Variants in MCU observed in about 807,000 individuals in gnomAD.
The protein encoded by MCU is calcium uniporter protein, mitochondrial.
In MCU, 12 loss-of-function variants were observed where a neutral mutation model predicts 45.2. The ratio of observed to expected loss-of-function variants is 0.27; its 90% CI spans 0.17 to 0.43. The LOEUF is 0.43. Ranked by LOEUF, MCU falls within the 20% of genes least tolerant of loss-of-function variation. MCU has a pLI of 1.00. For missense variants in MCU, 324 were observed against 436.7 expected (o/e 0.74, Z 2.30); for synonymous variants, 160 against 165.1 (o/e 0.97, Z 0.24).
intron 1 of MCU, among the ~76,000 whole-genome samples, chr10:72,816,859 G>A (rs2132810360): frequency 6.6e-6 from 1 of 152,326 alleles, no homozygotes; most frequent in African/African-American, 2.4e-5. Flanking sequence ...GTTCATATAA[G>A]TGTGATGAGG....
At chr10:72,804,071 T>TAC (rs1844389925) in intron 1 of MCU, among the ~76,000 whole-genome samples, 1 of 59,408 alleles carries the variant, frequency 1.7e-5, no homozygotes, top group African/African-American at 8.1e-5. Context: ...TATATATATA[T>TAC]ATAAAATAAG....
At chr10:72,819,104 A>G (rs1844670750) in intron 1 of MCU, among the ~76,000 whole-genome samples, 1 of 152,220 alleles carries the variant, frequency 6.6e-6, no homozygotes, top group Non-Finnish European at 1.5e-5. Context: ...GGAGAAGTCC[A>G]TGAAGAATGG....
intron 1 of MCU, among the ~76,000 whole-genome samples, chr10:72,724,085 A>G (rs992952635): frequency 6.6e-6 from 1 of 152,248 alleles, no homozygotes; most frequent in Admixed American, 6.5e-5. Flanking sequence ...TAGATATACT[A>G]TATTTTTAAA....
chr10:72,799,300 C>G (rs1844301319), intron 1 of MCU, among the ~76,000 whole-genome samples: 1 of 152,118 alleles, frequency 6.6e-6, no homozygotes, highest in African/African-American at 2.4e-5. Flanking sequence ...CAAATATTCA[C>G]TATAATTAAT....
chr10:72,768,518 C>T, intron 1 of MCU, among the ~76,000 whole-genome samples: 1 of 152,226 alleles, frequency 6.6e-6, no homozygotes, highest in South Asian at 2.1e-4. Context: ...TGTATCTATA[C>T]AGTGGTTGCA....
At chr10:72,780,903 T>A (rs1843982946) in intron 1 of MCU, among the ~76,000 whole-genome samples, 1 of 152,224 alleles carries the variant, frequency 6.6e-6, no homozygotes, top group South Asian at 2.1e-4. Context: ...AACACAAATA[T>A]AATGAAACAC....
intron 6 of MCU, among the ~76,000 whole-genome samples, chr10:72,874,369 AC>A: frequency 1.3e-5 from 2 of 152,134 alleles, no homozygotes; most frequent in East Asian, 3.9e-4. Context: ...CCAACCTAGC[AC>A]TCCCTTTAAT....
intron 6 of MCU, among the ~76,000 whole-genome samples, chr10:72,882,567 C>T (rs1007253749): frequency 7.2e-5 from 11 of 152,160 alleles, no homozygotes; most frequent in African/African-American, 1.9e-4. Context: ...TCCCATAGCG[C>T]TCCCAGGCTT....
chr10:72,744,342 T>G (rs1843380180), intron 1 of MCU, among the ~76,000 whole-genome samples: 1 of 152,116 alleles, frequency 6.6e-6, no homozygotes, highest in Non-Finnish European at 1.5e-5. Flanking sequence ...ATCCACAGAT[T>G]GACTTCATTT....
chr10:72,830,261 C>T (rs1036385376), intron 1 of MCU, among the ~76,000 whole-genome samples: 2 of 152,190 alleles, frequency 1.3e-5, no homozygotes, highest in Non-Finnish European at 2.9e-5. Flanking sequence ...AGCCAGCTTG[C>T]CAACCCATGT....
intron 1 of MCU, among the ~76,000 whole-genome samples, chr10:72,714,192 C>T (rs974337774): frequency 6.6e-6 from 1 of 151,552 alleles, no homozygotes; most frequent in African/African-American, 2.4e-5. Context: ...GTCTCGAACT[C>T]CTGACCTCAT....
intron 1 of MCU, among the ~76,000 whole-genome samples, chr10:72,702,523 T>G (rs1379669148): frequency 6.6e-6 from 1 of 152,196 alleles, no homozygotes; most frequent in African/African-American, 2.4e-5. Context: ...GAGATGCCTT[T>G]GTGGTGGTCC....
chr10:72,692,742 A>T (rs1842639208), intron 1 of MCU: 1 of 1,318,378 alleles, frequency 7.6e-7, no homozygotes, highest in African/African-American at 1.5e-5. Flanking sequence ...TGTGTGTGCC[A>T]GGAGAGTGGC....
At chr10:72,874,306 G>A (rs1419275426) in intron 6 of MCU, among the ~76,000 whole-genome samples, 3 of 152,146 alleles carry the variant, frequency 2.0e-5, no homozygotes, top group Non-Finnish European at 4.4e-5. Context: ...ACTTTAGGAA[G>A]TATGAAGATT....
At chr10:72,865,979 A>G (rs375847559) in intron 4 of MCU, among the ~76,000 whole-genome samples, 118 of 150,976 alleles carry the variant, frequency 7.8e-4, no homozygotes, top group Non-Finnish European at 1.1e-3. Context: ...GGGTTTCACC[A>G]TGTTAGCCAG....
intron 1 of MCU, 26 bp from the exon 2 acceptor site, chr10:72,834,333 G>C (rs1456494663): frequency 1.3e-6 from 2 of 1,585,822 alleles, no homozygotes; most frequent in African/African-American, 1.3e-5. Flanking sequence ...CATTCTGACA[G>C]TAGATGTATC....
chr10:72,799,739 T>C (rs1424518546), intron 1 of MCU, among the ~76,000 whole-genome samples: 1 of 152,240 alleles, frequency 6.6e-6, no homozygotes, highest in Non-Finnish European at 1.5e-5. Context: ...ACCCATGTCA[T>C]TGTTTTTAAT....
chr10:72,863,591 G>T (rs1028546714), intron 4 of MCU, among the ~76,000 whole-genome samples: 9 of 152,196 alleles, frequency 5.9e-5, no homozygotes, highest in African/African-American at 2.2e-4. Context: ...ATGAATGCAT[G>T]AAATATATGT....
intron 1 of MCU, among the ~76,000 whole-genome samples, chr10:72,814,638 G>A (rs1844597639): frequency 6.6e-6 from 1 of 152,136 alleles, no homozygotes; most frequent in Non-Finnish European, 1.5e-5. Context: ...AAACAATGAA[G>A]CATAACTTGC....
Sources: allele counts gnomAD v4.1 joint callset (sites outside exome capture counted in the v4.1 genomes callset), GRCh38; gene constraint gnomAD v4.1.1; transcripts MANE v1.5; gene names NCBI Gene and HGNC (gene_info 2026-07-23, HGNC 2026-07-21).